SCEL: variants seen among roughly 807,000 people sequenced by gnomAD.
SCEL encodes sciellin.
In SCEL, 113 loss-of-function variants were observed where a neutral mutation model predicts 117.6. The ratio of observed to expected loss-of-function variants is 0.96; its 90% CI spans 0.83 to 1.12. The LOEUF (loss-of-function observed/expected upper bound fraction) is 1.12. Ranked by LOEUF, SCEL falls within the 50% of genes most tolerant of loss-of-function variation. The pLI is 0.00. For synonymous variants in SCEL, 270 were observed against 256.2 expected (o/e 1.05, Z -0.51); for missense variants, 785 against 810.8 (o/e 0.97, Z 0.39).
intron 8 of SCEL, among the ~76,000 whole-genome samples, chr13:77,570,142 C>A (rs1196824126): frequency 6.6e-6 from 1 of 152,196 alleles, no homozygotes; most frequent in Non-Finnish European, 1.5e-5. Context: ...CCTGTCTGTA[C>A]CTGGGTCCAT....
chr13:77,638,183 A>G (rs552625642), intron 30 of SCEL, among the ~76,000 whole-genome samples: 6 of 152,336 alleles, frequency 3.9e-5, no homozygotes, highest in Admixed American at 1.3e-4. Context: ...AAAAAACATG[A>G]ACCTATGTTC....
In SCEL at chr13:77,603,137, TA is replaced by T; in HGVS notation, c.1097+7del. 1 of 1,509,986 alleles carries T rather than the reference TA, an allele frequency of 6.6e-7. No homozygotes were observed. Among genetic ancestry groups the T allele is most frequent in the Non-Finnish European group, 9.0e-7 (1 of 1,105,150 alleles). 93.5% of individuals were successfully genotyped at this position (1,509,986 alleles called of 1,614,324 possible). On this transcript the variant is annotated splice_donor_region_variant and intron_variant, in intron 18 of 32. Transcript: ENST00000349847. Reference sequence around the variant, plus strand: ...CAAAGGACATGAAAATACCACTGGGTAAAAATAATTAATGTCTTTAATTATG... The same window carrying T: ...CAAAGGACATGAAAATACCACTGGGTAAAATAATTAATGTCTTTAATTATG...
At chr13:77,556,382 G>A (rs1219557757) in intron 2 of SCEL, among the ~76,000 whole-genome samples, 1 of 152,194 alleles carries the variant, frequency 6.6e-6, no homozygotes, top group African/African-American at 2.4e-5. Flanking sequence ...GGCAGTTTCA[G>A]TTGGCACCTG....
At chr13:77,616,356 A>T (rs1274309674) in intron 24 of SCEL, among the ~76,000 whole-genome samples, 2 of 152,042 alleles carry the variant, frequency 1.3e-5, no homozygotes, top group African/African-American at 4.8e-5. Flanking sequence ...TTATAATAAT[A>T]TGTGAAATTA....
rs1441510479 is a variant in SCEL, at chr13:77,599,276, T to A, written c.798-53T>A. 3.1e-6 allele frequency: 4 copies of A among 1,292,270 alleles called. No individual in the cohort carries two copies. In the Admixed American group the frequency reaches 7.5e-5, roughly 24 times the overall value. The allele number at this position is 1,292,270 out of a possible 1,614,324, so 80.1% of individuals were successfully genotyped here. ...AAACTGGTCTATGTTCTTATAGAGT[T>A]AAGCATTGGTCATTATCACTGATGA... On this transcript the variant is annotated intron_variant, in intron 13 of 32. Transcript: ENST00000349847.
intron 30 of SCEL, among the ~76,000 whole-genome samples, chr13:77,638,101 T>C (rs1196212011): frequency 2.6e-5 from 4 of 152,352 alleles, no homozygotes; most frequent in African/African-American, 9.6e-5. Flanking sequence ...TAGAGATATT[T>C]TATTTTCATA....
intron 8 of SCEL, among the ~76,000 whole-genome samples, chr13:77,570,421 C>T (rs9530669): frequency 0.1 from 15,764 of 152,108 alleles, 1,360 homozygotes; most frequent in East Asian, 0.44. Flanking sequence ...ATCTTTCCTC[C>T]GACATTTTGG....
chr13:77,570,322 C>G (rs948891296), intron 8 of SCEL, among the ~76,000 whole-genome samples: 2 of 152,182 alleles, frequency 1.3e-5, no homozygotes, highest in African/African-American at 4.8e-5. Context: ...AATTTCATGT[C>G]CCTTGACCCT....
chr13:77,578,728 G>A (rs775991090), intron 9 of SCEL, among the ~76,000 whole-genome samples: 74 of 152,184 alleles, frequency 4.9e-4, no homozygotes, highest in Non-Finnish European at 5.0e-4. Flanking sequence ...AATAGGAGCA[G>A]AATAGGGAGT....
chr13:77,613,859 T>A, intron 23 of SCEL, 34 bp from the exon 24 acceptor site: 1 of 1,567,988 alleles, frequency 6.4e-7, no homozygotes, highest in South Asian at 1.1e-5. Flanking sequence ...AATGCCAGTA[T>A]GAAATTTGCC....
intron 9 of SCEL, among the ~76,000 whole-genome samples, chr13:77,578,431 G>A (rs1295225324): frequency 6.6e-6 from 1 of 152,114 alleles, no homozygotes; most frequent in African/African-American, 2.4e-5. Context: ...TCCCAGAGCA[G>A]AGAACTCTGA....
In SCEL at chr13:77,555,891, T is replaced by G; in HGVS notation, c.16T>G (p.Leu6Val). Residue 6 changes from leucine to valine, a missense_variant, in exon 2 of 33, where the codon TTG becomes GTG. Transcript: ENST00000349847. ...GGAAGGCAGCATGTCCAATGTTACC[T>G]TGAGAAAAATGTCTCCCACAGGAAA... MSNVT[L>V]RKMSPTGNEM... 6.2e-7 allele frequency: 1 copy of G among 1,613,490 alleles called. No individual in the cohort carries two copies. The highest frequency in any genetic ancestry group is 8.5e-7 in the Non-Finnish European group (1 of 1,179,534).
intron 12 of SCEL, among the ~76,000 whole-genome samples, chr13:77,594,903 A>G (rs932078890): frequency 7.2e-5 from 11 of 152,258 alleles, no homozygotes; most frequent in Non-Finnish European, 5.9e-5. Flanking sequence ...TAAACAAAAT[A>G]GGAGCTCTGA....
chr13:77,562,003 T>C (rs548088232), intron 4 of SCEL, among the ~76,000 whole-genome samples: 23 of 152,256 alleles, frequency 1.5e-4, no homozygotes, highest in Admixed American at 1.4e-3. Context: ...CTTCATATTA[T>C]CCACAATTGG....
intron 2 of SCEL, among the ~76,000 whole-genome samples, chr13:77,556,324 G>A (rs1395751219): frequency 6.6e-6 from 1 of 152,210 alleles, no homozygotes; most frequent in Non-Finnish European, 1.5e-5. Context: ...ATCCCAGGCT[G>A]GGAGTTCTCC....
chr13:77,631,585 CTT>C (rs2090023638), intron 28 of SCEL, among the ~76,000 whole-genome samples: 1 of 152,122 alleles, frequency 6.6e-6, no homozygotes, highest in South Asian at 2.1e-4. Context: ...TGTACAGGGA[CTT>C]TCTGTGTCAT....
chr13:77,537,687 T>C (rs1347326391), intron 1 of SCEL, among the ~76,000 whole-genome samples: 1 of 152,178 alleles, frequency 6.6e-6, no homozygotes, highest in Non-Finnish European at 1.5e-5. Flanking sequence ...ATTCTGTAGG[T>C]GATGCTTACC....
intron 27 of SCEL, among the ~76,000 whole-genome samples, chr13:77,623,947 A>G (rs1354310512): frequency 6.6e-6 from 1 of 152,118 alleles, no homozygotes; most frequent in Non-Finnish European, 1.5e-5. Context: ...GCTTAAAGAC[A>G]AATATTTGTT....
At chr13:77,627,520 G>A (rs948614352) in intron 27 of SCEL, among the ~76,000 whole-genome samples, 3 of 152,054 alleles carry the variant, frequency 2.0e-5, no homozygotes, top group Non-Finnish European at 1.5e-5. Context: ...AATAAGTCTA[G>A]CATAAAGAAA....
Sources: gnomAD v4.1 joint callset for allele counts (sites outside exome capture counted in the v4.1 genomes callset) on GRCh38, gnomAD v4.1.1 for gene constraint, MANE v1.5 for transcripts, NCBI Gene and HGNC (gene_info 2026-07-23, HGNC 2026-07-21) for gene names.